The following SLC22A16 variants were observed in gnomAD, a reference collection of about 807,000 sequenced individuals.
SLC22A16 encodes solute carrier family 22 member 16.
Under a neutral mutation model 52.9 loss-of-function variants are expected in SLC22A16, and 53 were observed. The ratio of observed to expected loss-of-function variants is 1.00; its 90% CI spans 0.80 to 1.26. The LOEUF is 1.26. Among genes scored for constraint, SLC22A16 ranks in the 50% most tolerant of loss-of-function variants. The pLI is 0.00. For synonymous variants in SLC22A16, 291 were observed against 268.8 expected, an observed-to-expected ratio of 1.08 and a Z score of -0.81; for missense variants, 726 against 704.0, an observed-to-expected ratio of 1.03 and a Z score of -0.35.
chr6:110,440,730 T>C (rs1309082115), intron 4 of SLC22A16, among the ~76,000 whole-genome samples: 1 of 152,068 alleles, frequency 6.6e-6, no homozygotes, highest in African/African-American at 2.4e-5. Flanking sequence ...TGAGCTGAGA[T>C]CACACCACTG....
At chr6:110,431,465 T>C (rs1774502051) in intron 6 of SLC22A16, among the ~76,000 whole-genome samples, 195 bp from the exon 7 acceptor site, 2 of 152,208 alleles carry the variant, frequency 1.3e-5, no homozygotes, top group Admixed American at 1.3e-4. Context: ...TTTTTCTATC[T>C]TTCAATATGT....
At chr6:110,456,409 A>T in intron 2 of SLC22A16, 129 bp downstream of exon 2, 1 of 1,147,256 alleles carries the variant, frequency 8.7e-7, no homozygotes, top group Non-Finnish European at 1.2e-6. Context: ...ATGGATCAGC[A>T]AAGAGGTAGG....
chr6:110,461,309 G>C (rs1170467555), intron 1 of SLC22A16, among the ~76,000 whole-genome samples: 2 of 152,164 alleles, frequency 1.3e-5, no homozygotes, highest in Admixed American at 1.3e-4. Context: ...AGGAGCCAAA[G>C]GACAGTGTTT....
intron 1 of SLC22A16, among the ~76,000 whole-genome samples, chr6:110,471,781 T>G (rs1001840825): frequency 2.6e-5 from 4 of 152,196 alleles, no homozygotes; most frequent in African/African-American, 9.7e-5. Context: ...TGACAACTCA[T>G]CAGGCTGTAG....
intron 6 of SLC22A16, among the ~76,000 whole-genome samples, chr6:110,431,575 C>T (rs1219414732): frequency 6.6e-6 from 1 of 152,106 alleles, no homozygotes; most frequent in Non-Finnish European, 1.5e-5. Context: ...TAAGCTGTGC[C>T]ACATAGCCTG....
At chr6:110,466,046 C>T (rs539621727) in intron 1 of SLC22A16, among the ~76,000 whole-genome samples, 1 of 152,148 alleles carries the variant, frequency 6.6e-6, no homozygotes, top group Non-Finnish European at 1.5e-5. Flanking sequence ...AAAGGACTCT[C>T]TATTCAATAA....
intron 2 of SLC22A16, among the ~76,000 whole-genome samples, chr6:110,453,998 T>C (rs1775484535): frequency 6.6e-6 from 1 of 152,164 alleles, no homozygotes; most frequent in Non-Finnish European, 1.5e-5. Context: ...AATCCAGTCT[T>C]GTGACAGCCA....
At chr6:110,476,500 C>CGGGGGGGGGGGGGGGGGGGGGGGGGG in intron 1 of SLC22A16, 22 bp downstream of exon 1, 1 of 1,433,064 alleles carries the variant, frequency 7.0e-7, no homozygotes, top group Non-Finnish European at 9.2e-7. Context: ...CCGCGTGGCG[C>CGGGGGGGGGGGGGGGGGGGGGGGGGG]CGCGGGGCCC....
intron 1 of SLC22A16, chr6:110,476,254 G>T: frequency 5.9e-6 from 6 of 1,013,858 alleles, no homozygotes; most frequent in African/African-American, 1.6e-5. Context: ...CGGAGAGCAC[G>T]CACCAGGTCC....
chr6:110,446,290 G>A (rs1408452637), intron 3 of SLC22A16, among the ~76,000 whole-genome samples: 1 of 152,140 alleles, frequency 6.6e-6, no homozygotes, highest in Non-Finnish European at 1.5e-5. Flanking sequence ...CTGTACTGCG[G>A]TTGTTTATAC....
intron 1 of SLC22A16, among the ~76,000 whole-genome samples, chr6:110,472,551 C>G (rs1776295300): frequency 6.6e-6 from 1 of 152,180 alleles, no homozygotes. Flanking sequence ...TGCTAGTTCA[C>G]ATAAACACAC....
At chr6:110,457,287 T>G (rs1040142659) in intron 1 of SLC22A16, among the ~76,000 whole-genome samples, 1 of 152,034 alleles carries the variant, frequency 6.6e-6, no homozygotes, top group South Asian at 2.1e-4. Context: ...CATTCTCCAA[T>G]GAGAGGAGCC....
At chr6:110,429,577 G>A (rs909080703) in intron 7 of SLC22A16, among the ~76,000 whole-genome samples, 1 of 152,168 alleles carries the variant, frequency 6.6e-6, no homozygotes, top group Non-Finnish European at 1.5e-5. Context: ...AAAATAGCAG[G>A]TGAATGACAG....
In SLC22A16 at chr6:110,430,387, A is replaced by T. The variant is rs1052025741; in HGVS notation, c.1521+784T>A. Among the ~76,000 whole-genome samples the T allele has an allele frequency of 2.6e-5, 4 of 151,526 alleles. No homozygotes were observed. The East Asian group carries it at 7.9e-4, about 30-fold the overall frequency. On this transcript the variant is annotated intron_variant, in intron 7 of 7. Transcript: ENST00000368919. ...GAGGAAATCCTCGCCTGAAGCCAGG[A>T]TGAGAGGTGATGCATGCAGGGGGCG...
Position 110,424,725 on chromosome 6 carries a change from T to A in SLC22A16, c.*148A>T, listed in dbSNP as rs1023877423. 9 of 919,656 alleles carry A rather than the reference T, an allele frequency of 9.8e-6. No individual in the cohort carries two copies. The highest frequency in any genetic ancestry group is 1.9e-5 in the South Asian group (1 of 52,206). The allele number at this position is 919,656 out of a possible 1,614,324, so 57.0% of individuals were successfully genotyped here. ...GAATTTTCATCTTAGTTTTTATTTC[T>A]TTTATAACATATTTGCTTTAAAATT... On this transcript the variant is annotated 3_prime_UTR_variant, in exon 8 of 8. Transcript: ENST00000368919.
intron 1 of SLC22A16, chr6:110,475,914 A>C (rs1304301678): frequency 2.2e-6 from 1 of 456,494 alleles, no homozygotes; most frequent in Non-Finnish European, 4.4e-6. Context: ...CTTGTTTCCC[A>C]ATCACTAAAA....
At chr6:110,433,838 G>C (rs577276810) in intron 6 of SLC22A16, among the ~76,000 whole-genome samples, 1 of 152,148 alleles carries the variant, frequency 6.6e-6, no homozygotes, top group East Asian at 1.9e-4. Flanking sequence ...AAACTATTAC[G>C]GAATTTCACA....
At chr6:110,458,096 T>C (rs893412868) in intron 1 of SLC22A16, among the ~76,000 whole-genome samples, 4 of 151,948 alleles carry the variant, frequency 2.6e-5, no homozygotes, top group African/African-American at 9.7e-5. Flanking sequence ...GCAGAATTAG[T>C]GAAAATATTA....
chr6:110,473,008 G>A (rs1392822121), intron 1 of SLC22A16, among the ~76,000 whole-genome samples: 1 of 152,128 alleles, frequency 6.6e-6, no homozygotes, highest in African/African-American at 2.4e-5. Flanking sequence ...GTTTGATCTT[G>A]GCCCTGTTAC....
Sources: gnomAD v4.1 joint callset for allele counts (sites outside exome capture counted in the v4.1 genomes callset) on GRCh38, gnomAD v4.1.1 for gene constraint, MANE v1.5 for transcripts, NCBI Gene and HGNC (gene_info 2026-07-23, HGNC 2026-07-21) for gene names.